The following RAI14 variants were observed in gnomAD, a reference collection of about 807,000 sequenced individuals.
RAI14 encodes the protein retinoic acid induced 14, also known as ankycorbin.
RAI14 carries 45 observed loss-of-function variants against 115.4 expected under a neutral mutation model. The observed-to-expected ratio is 0.39, with a 90% confidence interval of 0.31 to 0.50. The LOEUF (loss-of-function observed/expected upper bound fraction) is 0.50, where lower values mean the gene tolerates loss of function less well. Among genes scored for constraint, RAI14 ranks in the 20% least tolerant of loss-of-function variants. The pLI is 0.85. For missense variants in RAI14, 939 were observed against 1,131.2 expected, an observed-to-expected ratio of 0.83 and a Z score of 2.44; for synonymous variants, 371 against 415.4, an observed-to-expected ratio of 0.89 and a Z score of 1.30.
chr5:34,770,776 C>A (rs942996575), intron 3 of RAI14, among the ~76,000 whole-genome samples: 27 of 152,050 alleles, frequency 1.8e-4, no homozygotes, highest in African/African-American at 6.3e-4. Context: ...CGTGTAGAGC[C>A]TTGTATGCTA....
intron 2 of RAI14, 25 bp from the exon 3 acceptor site, chr5:34,757,443 C>G (rs1170732347): frequency 1.2e-6 from 2 of 1,611,134 alleles, no homozygotes; most frequent in Non-Finnish European, 1.7e-6. Context: ...TGTTCATGAC[C>G]TCTGTTTCTT....
At chr5:34,732,050 T>C (rs1282644966) in intron 2 of RAI14, among the ~76,000 whole-genome samples, 1 of 152,164 alleles carries the variant, frequency 6.6e-6, no homozygotes, top group East Asian at 1.9e-4. Context: ...CCACAGGCCC[T>C]GGAAATGGGA....
chr5:34,755,880 A>G (rs1374503369), intron 2 of RAI14, among the ~76,000 whole-genome samples: 3 of 151,378 alleles, frequency 2.0e-5, no homozygotes, highest in Admixed American at 6.6e-5. Flanking sequence ...GCCTGGGGAA[A>G]CTGAGGCACA....
chr5:34,771,313 A>G (rs76209824), intron 3 of RAI14, among the ~76,000 whole-genome samples: 2,699 of 152,168 alleles, frequency 0.018, 91 homozygotes, highest in African/African-American at 0.061. Context: ...GGCTTGCTTC[A>G]TTTGGGGAAG....
intron 15 of RAI14, among the ~76,000 whole-genome samples, chr5:34,825,662 TGC>T (rs1757364171): frequency 6.6e-6 from 1 of 151,336 alleles, no homozygotes; most frequent in Non-Finnish European, 1.5e-5. Context: ...GTGCTGGCCG[TGC>T]TGCTGGAGGA....
chr5:34,690,655 G>A (rs932058018), intron 2 of RAI14, among the ~76,000 whole-genome samples: 2 of 152,220 alleles, frequency 1.3e-5, no homozygotes, highest in Non-Finnish European at 2.9e-5. Context: ...GGTAGGGAAT[G>A]AGCCTGACTC....
At chr5:34,733,063 G>A (rs1373232559) in intron 2 of RAI14, 1 of 152,002 alleles carries the variant, frequency 6.6e-6, no homozygotes, top group Non-Finnish European at 1.5e-5. Flanking sequence ...TGAAGTGTAT[G>A]TTGCTTTGAG....
chr5:34,783,920 T>G (rs1325272155), intron 3 of RAI14, among the ~76,000 whole-genome samples: 1 of 152,214 alleles, frequency 6.6e-6, no homozygotes, highest in Non-Finnish European at 1.5e-5. Flanking sequence ...CTCTCCTGAT[T>G]GGCATGTAGC....
chr5:34,803,450 G>A (rs1580315117), intron 4 of RAI14, among the ~76,000 whole-genome samples: 1 of 152,110 alleles, frequency 6.6e-6, no homozygotes, highest in African/African-American at 2.4e-5. Context: ...CCAGCAACTT[G>A]GGAGGCTGAG....
chr5:34,815,108 G>C (rs1160080957), intron 12 of RAI14, among the ~76,000 whole-genome samples: 1 of 152,042 alleles, frequency 6.6e-6, no homozygotes, highest in Non-Finnish European at 1.5e-5. Flanking sequence ...CTAGGCCGGG[G>C]TTGGTGGCTC....
intron 4 of RAI14, among the ~76,000 whole-genome samples, chr5:34,803,132 C>T (rs1331065464): frequency 1.3e-5 from 2 of 152,172 alleles, no homozygotes; most frequent in Non-Finnish European, 2.9e-5. Context: ...ATCATGAATC[C>T]ACCGCAAGTG....
At chr5:34,787,893 ATTTTTTTTTTTTTTTTTTTTTTTTTTTT>A (rs70973012) in intron 3 of RAI14, among the ~76,000 whole-genome samples, 1,405 of 25,144 alleles carry the variant, frequency 0.056, 79 homozygotes, top group African/African-American at 0.15. Flanking sequence ...GATACTACTG[ATTTTTTTTTTTTTTTTTTTTTTTTTTTT>A]TTTTTTTTTT....
intron 2 of RAI14, among the ~76,000 whole-genome samples, chr5:34,751,234 C>G (rs538546683): frequency 4.8e-4 from 72 of 150,762 alleles, no homozygotes; most frequent in African/African-American, 1.7e-3. Flanking sequence ...CCTCTGCCTC[C>G]TGGGTTCAAG....
intron 2 of RAI14, among the ~76,000 whole-genome samples, chr5:34,749,927 A>C (rs1227532906): frequency 6.6e-6 from 1 of 152,216 alleles, no homozygotes; most frequent in African/African-American, 2.4e-5. Context: ...AGCCCTTTAA[A>C]ATATGATTTT....
intron 3 of RAI14, among the ~76,000 whole-genome samples, chr5:34,783,676 GT>G (rs1751946198): frequency 6.6e-6 from 1 of 152,088 alleles, no homozygotes; most frequent in South Asian, 2.1e-4. Flanking sequence ...TGTACTCCCT[GT>G]TTTCCCCCCT....
intron 1 of RAI14, among the ~76,000 whole-genome samples, chr5:34,683,365 T>C (rs1405914416): frequency 6.6e-6 from 1 of 152,058 alleles, no homozygotes; most frequent in Non-Finnish European, 1.5e-5. Context: ...CTTGGGAACT[T>C]TTGGAATTAT....
intron 2 of RAI14, among the ~76,000 whole-genome samples, chr5:34,740,664 C>T (rs1316160917): frequency 2.0e-5 from 3 of 152,256 alleles, no homozygotes; most frequent in Admixed American, 6.5e-5. Flanking sequence ...TGAAGAGGGC[C>T]ATCTGTGCAC....
At chr5:34,757,188 G>A (rs968094659) in intron 2 of RAI14, 16 of 473,134 alleles carry the variant, frequency 3.4e-5, no homozygotes, top group Middle Eastern at 3.3e-4. Flanking sequence ...GTCTTTTTAC[G>A]TTGCTTCATA....
chr5:34,752,741 G>GTATATATATATATA (rs1328513453), intron 2 of RAI14, among the ~76,000 whole-genome samples: 1 of 99,552 alleles, frequency 1.0e-5, no homozygotes, highest in African/African-American at 4.3e-5. Context: ...GTGTGTGTGT[G>GTATATATATATATA]TGTGTGTGTA....
Sources: gnomAD v4.1 joint callset for allele counts (sites outside exome capture counted in the v4.1 genomes callset) on GRCh38, gnomAD v4.1.1 for gene constraint, MANE v1.5 for transcripts, NCBI Gene and HGNC (gene_info 2026-07-23, HGNC 2026-07-21) for gene names.